The following NLRP4 variants were observed in gnomAD, a reference collection of about 807,000 sequenced individuals.
NLRP4 encodes the protein NLR family pyrin domain containing 4.
A neutral mutation model predicts 84.7 loss-of-function variants in NLRP4; 44 were observed. That is an observed-to-expected ratio of 0.52 (90% confidence interval 0.41 to 0.67). The LOEUF (loss-of-function observed/expected upper bound fraction) is 0.67, where lower values mean the gene tolerates loss of function less well. NLRP4 is among the 30% of genes least tolerant of loss of function. The pLI is 0.00. For missense variants in NLRP4, 1,260 were observed against 1,219.4 expected (o/e 1.03, Z -0.50); for synonymous variants, 544 against 476.4 (o/e 1.14, Z -1.85).
chr19:55,863,299 C>T (rs955150517), intron 5 of NLRP4, among the ~76,000 whole-genome samples: 11 of 152,128 alleles, frequency 7.2e-5, no homozygotes, highest in Non-Finnish European at 1.0e-4. Flanking sequence ...CACGTTCTCG[C>T]GCTGCTATAA....
rs1568660070 is a variant in NLRP4, at chr19:55,851,669, TCCGAGG to T, written c.-65-345_-65-340del. The stretch of plus-strand genomic sequence containing the variant: ...TAATGTCCGAGGCTGCGGTGTAATG[TCCGAGG>T]CTGCGGTGTAATGTCCGAGGCTGCG... On this transcript the variant is annotated intron_variant, in intron 1 of 9. Coordinates refer to ENST00000301295, the MANE Select transcript of NLRP4 (RefSeq NM_134444.5). Among the ~76,000 whole-genome samples, 3 of 149,052 alleles carry T rather than the reference TCCGAGG, an allele frequency of 2.0e-5. 1 individual carries two copies. Among genetic ancestry groups the T allele is most frequent in the African/African-American group, 7.4e-5 (3 of 40,656 alleles).
intron 9 of NLRP4, 53 bp downstream of exon 9, chr19:55,879,017 G>A: frequency 7.2e-7 from 1 of 1,392,580 alleles, no homozygotes; most frequent in South Asian, 1.2e-5. Flanking sequence ...GCTAAGAAGG[G>A]ATTGGCTGGG....
chr19:55,878,971 T>TG lies in NLRP4; in HGVS notation c.2867+11dup, dbSNP rs1442114974. ...GTGCCCTGCAGGTGCTCGGGTGAGC[T>TG]GGGGTCTGTTGTGCTCTATGGGCAG... On this transcript the variant is annotated splice_region_variant and intron_variant, in intron 9 of 9. Coordinates refer to ENST00000301295, the MANE Select transcript of NLRP4 (RefSeq NM_134444.5). 1 of 1,609,814 alleles carries TG rather than the reference T, an allele frequency of 6.2e-7. No homozygotes were observed. The highest frequency in any genetic ancestry group is 1.1e-5 in the South Asian group (1 of 90,776).
intron 6 of NLRP4, among the ~76,000 whole-genome samples, chr19:55,869,543 C>T (rs1025894305): frequency 3.9e-5 from 6 of 152,126 alleles, no homozygotes; most frequent in Non-Finnish European, 5.9e-5. Context: ...TGTTGGATTT[C>T]CATGTGGGAA....
chr19:55,854,654 G>C (rs539598441), intron 2 of NLRP4, among the ~76,000 whole-genome samples: 3 of 152,092 alleles, frequency 2.0e-5, no homozygotes, highest in African/African-American at 7.2e-5. Flanking sequence ...TCCATTTTTG[G>C]CGATGCTAGC....
chr19:55,846,899 G>C (rs1983818975), intron 1 of NLRP4, among the ~76,000 whole-genome samples: 1 of 152,080 alleles, frequency 6.6e-6, no homozygotes, highest in Non-Finnish European at 1.5e-5. Flanking sequence ...TCCGAATACT[G>C]CTTAATAATT....
At chr19:55,876,465 C>T (rs747912119) in intron 7 of NLRP4, among the ~76,000 whole-genome samples, 7 of 152,180 alleles carry the variant, frequency 4.6e-5, no homozygotes, top group Non-Finnish European at 8.8e-5. Flanking sequence ...TCTTGTGCCT[C>T]AACCTCCTGG....
Position 55,870,897 on chromosome 19 carries a change from G to T in NLRP4, c.2425G>T (p.Val809Leu), listed in dbSNP as rs775042848. 2 of 1,613,974 alleles carry T rather than the reference G, an allele frequency of 1.2e-6. No homozygotes were observed. The highest frequency in any genetic ancestry group is 2.2e-5 in the East Asian group (1 of 44,880). ...TGAAATGCTTCTGCGTAACAAGAGC[G>T]TGCGCTATCTAGACCTCAGTGCCAA... is the stretch of plus-strand genomic sequence containing the variant. Reference protein sequence around the residue: ...ISEMLLRNKSVRYLDLSANVL... With the variant: ...ISEMLLRNKSLRYLDLSANVL... Residue 809 changes from valine (V) to leucine (L), a missense_variant, in exon 7 of 10, where the codon GTG becomes TTG. This residue lies in a region of NLRP4 where 544 missense variants were observed against 531.7 expected (regional missense o/e 1.02). Transcript: ENST00000301295.
chr19:55,856,541 A>C (rs1461001946), intron 2 of NLRP4, among the ~76,000 whole-genome samples: 1 of 104,616 alleles, frequency 9.6e-6, no homozygotes. Flanking sequence ...TTTGAGACGG[A>C]GCCTCCTTCT....
At chr19:55,846,504 ATTCT>A (rs1199634431) in intron 1 of NLRP4, among the ~76,000 whole-genome samples, 2 of 152,190 alleles carry the variant, frequency 1.3e-5, no homozygotes, top group Admixed American at 6.5e-5. Flanking sequence ...GCCCAAAGTC[ATTCT>A]TTAAGTCAGT....
At chr19:55,838,623 A>T (rs1051102723) in intron 1 of NLRP4, among the ~76,000 whole-genome samples, 1 of 152,054 alleles carries the variant, frequency 6.6e-6, no homozygotes, top group Admixed American at 6.5e-5. Flanking sequence ...CACTTAGAGA[A>T]CAGCTTCAAG....
chr19:55,852,569 C>G (rs1984210927), intron 2 of NLRP4, among the ~76,000 whole-genome samples: 1 of 151,578 alleles, frequency 6.6e-6, no homozygotes, highest in South Asian at 2.1e-4. Context: ...CTCCACCTCC[C>G]AGGTTCAAGT....
intron 2 of NLRP4, 164 bp from the exon 3 acceptor site, chr19:55,857,510 T>A (rs1984488128): frequency 1.6e-6 from 1 of 620,266 alleles, no homozygotes; most frequent in Admixed American, 2.9e-5. Context: ...AATGGTGTAG[T>A]GAGTTCTAAT....
intron 6 of NLRP4, among the ~76,000 whole-genome samples, chr19:55,869,540 T>A (rs1985093363): frequency 6.6e-6 from 1 of 152,184 alleles, no homozygotes; most frequent in African/African-American, 2.4e-5. Flanking sequence ...GCCTGTTGGA[T>A]TTCCATGTGG....
rs11879458 is a variant in NLRP4 at position 55,877,509 on chromosome 19, C to T, written c.2696+343C>T. On this transcript the variant is annotated intron_variant, in intron 8 of 9. Coordinates refer to ENST00000301295, the MANE Select transcript of NLRP4 (RefSeq NM_134444.5). ...TGACAGGTGTAACTGGGCCACGTCT[C>T]ATTATCTAACTGGTTGGCCTGGGCT... Among the ~76,000 whole-genome samples, 843 of 152,234 alleles carry T rather than the reference C, an allele frequency of 5.5e-3. 10 individuals are homozygous for T. The highest frequency in any genetic ancestry group is 0.019 in the African/African-American group (808 of 41,526).
intron 7 of NLRP4, among the ~76,000 whole-genome samples, 170 bp downstream of exon 7, chr19:55,871,167 A>G (rs999381062): frequency 6.6e-6 from 1 of 152,228 alleles, no homozygotes; most frequent in African/African-American, 2.4e-5. Flanking sequence ...TAAACAAATC[A>G]GCACCCTGAC....
rs1985156439 is a variant in NLRP4 at position 55,870,939 on chromosome 19, G to A, written c.2467G>A (p.Gly823Arg). ...CAGTGCCAATGTCCTGAAGGACGAA[G>A]GACTGAAAACTCTCTGCGAGGCCTT... ...DLSANVLKDE[G>R]LKTLCEALKH... The change falls in exon 7 of 10, where the codon GGA becomes AGA. Residue 823 changes from glycine (G) to arginine (R), a missense_variant. Around this residue, in one of 3 missense-constraint regions of NLRP4, gnomAD observed 544 missense variants for 531.7 expected, o/e 1.02. Transcript: ENST00000301295. 6.2e-7 allele frequency: 1 copy of A among 1,614,152 alleles called. No individual in the cohort carries two copies. Among genetic ancestry groups the A allele is most frequent in the East Asian group, 2.2e-5 (1 of 44,880 alleles).
chr19:55,847,969 C>A (rs147496247), intron 1 of NLRP4, among the ~76,000 whole-genome samples: 3 of 152,118 alleles, frequency 2.0e-5, no homozygotes, highest in Non-Finnish European at 2.9e-5. Context: ...CCTGCCTTAG[C>A]CTCCCAAAGT....
chr19:55,866,071 T>A (rs1354046993), intron 5 of NLRP4, among the ~76,000 whole-genome samples: 1 of 152,208 alleles, frequency 6.6e-6, no homozygotes, highest in Non-Finnish European at 1.5e-5. Flanking sequence ...TCTCACTCTG[T>A]CACCCAGGCT....
Sources: allele counts gnomAD v4.1 joint callset (sites outside exome capture counted in the v4.1 genomes callset), GRCh38; gene constraint gnomAD v4.1.1; regional missense constraint gnomAD v4.1.1; transcripts MANE v1.5; gene names NCBI Gene and HGNC (gene_info 2026-07-23, HGNC 2026-07-21).